The following TBX4 variants were observed in gnomAD, a reference collection of about 807,000 sequenced individuals.
TBX4 encodes T-box transcription factor TBX4.
A neutral mutation model predicts 54.6 loss-of-function variants in TBX4; 13 were observed. The ratio of observed to expected loss-of-function variants is 0.24; its 90% CI spans 0.15 to 0.38. The LOEUF is 0.38. Among genes scored for constraint, TBX4 ranks in the 10% least tolerant of loss-of-function variants. The pLI, the probability that TBX4 is intolerant of heterozygous loss-of-function variation, is 1.00. For synonymous variants in TBX4, 314 were observed against 306.7 expected (o/e 1.02, Z -0.25); for missense variants, 631 against 728.5 (o/e 0.87, Z 1.54).
Position 61,471,577 on chromosome 17 carries a change from G to A in TBX4, c.549+3920G>A, listed in dbSNP as rs1290620518. Among the ~76,000 whole-genome samples, 3 of 144,960 alleles carry A rather than the reference G, an allele frequency of 2.1e-5. No individual in the cohort carries two copies. In the South Asian group the frequency reaches 6.5e-4, roughly 31 times the overall value. ...TTTTTTTTGCACATAGGCAGAATGTGTAATCTGGAATCCCCTCTTTTACAC... is the reference window on the plus strand; with the variant it reads ...TTTTTTTTGCACATAGGCAGAATGTATAATCTGGAATCCCCTCTTTTACAC... On this transcript the variant is annotated intron_variant, in intron 5 of 8. Transcript: ENST00000644296.
rs969841802 is a variant in TBX4 at position 61,457,202 on chromosome 17, T to C, written c.187-335T>C. On this transcript the variant is annotated intron_variant, in intron 2 of 8. Coordinates refer to ENST00000644296, the MANE Select transcript of TBX4 (RefSeq NM_001321120.2). This position sits in a 1 kb window ranked among gnomAD's most constrained non-coding sequence, Gnocchi z 8.2. The stretch of plus-strand genomic sequence containing the variant: ...GCCTGGCCGAGGGTGCGTGCGCCTC[T>C]CCCTGTCTGTGTCTGCCCCGGGAGC... Among the ~76,000 whole-genome samples, 1 of 151,990 alleles carries C rather than the reference T, an allele frequency of 6.6e-6. No homozygotes were observed. Among genetic ancestry groups the C allele is most frequent in the Non-Finnish European group, 1.5e-5 (1 of 68,010 alleles).
At chr17:61,468,048 T>G (rs535902675) in intron 5 of TBX4, among the ~76,000 whole-genome samples, 2 of 152,368 alleles carry the variant, frequency 1.3e-5, no homozygotes, top group East Asian at 3.9e-4. Flanking sequence ...TCAGCTTCAG[T>G]TCCCCAAAAT....
At position 61,457,456 on chromosome 17, in the gene TBX4, C is replaced by A; in HGVS notation, c.187-81C>A. 7.3e-7 allele frequency: 1 copy of A among 1,369,222 alleles called. No homozygotes were observed. The highest frequency in any genetic ancestry group is 1.7e-5 in the Admixed American group (1 of 59,456). 84.8% of individuals were successfully genotyped at this position (1,369,222 alleles called of 1,614,324 possible). A position where few individuals can be genotyped will look rare whatever the true frequency, so the allele number is the denominator to read the frequency against. ...GCGGGCAGGGTTCCGCACAGCTCTT[C>A]GGGTCTGGTTCTTCTTTCCTCAGGC... On this transcript the variant is annotated intron_variant, in intron 2 of 8. Coordinates refer to ENST00000644296, the MANE Select transcript of TBX4 (RefSeq NM_001321120.2). The surrounding 1 kb of genome is among the most constrained non-coding windows in gnomAD (Gnocchi z 8.2).
At chr17:61,456,752 C>A in intron 2 of TBX4, 76 bp downstream of exon 2, 1 of 1,184,726 alleles carries the variant, frequency 8.4e-7, no homozygotes, top group Non-Finnish European at 1.1e-6. Context: ...GTCTTTCCGT[C>A]CGATTGTCGG....
At chr17:61,467,696 G>A in intron 5 of TBX4, 39 bp downstream of exon 5, 1 of 1,613,690 alleles carries the variant, frequency 6.2e-7, no homozygotes, top group South Asian at 1.1e-5. Flanking sequence ...AGGCAAGTCT[G>A]GGGCAGTTTT....
chr17:61,457,950 C>T lies in TBX4; in HGVS notation c.281+319C>T, dbSNP rs1278792683. Reference sequence around the variant, plus strand: ...CCCTGGGGGGCTGCTTTGCCCTCCTCTCTTTGAGGACCTGAGGAGGTTTCT... The same window carrying T: ...CCCTGGGGGGCTGCTTTGCCCTCCTTTCTTTGAGGACCTGAGGAGGTTTCT... On this transcript the variant is annotated intron_variant, in intron 3 of 8. Transcript: ENST00000644296. This position sits in a 1 kb window ranked among gnomAD's most constrained non-coding sequence, Gnocchi z 8.2. Among the ~76,000 whole-genome samples, 1 of 152,248 alleles carries T rather than the reference C, an allele frequency of 6.6e-6. No homozygotes were observed. Among genetic ancestry groups the T allele is most frequent in the African/African-American group, 2.4e-5 (1 of 41,468 alleles).
Position 61,476,920 on chromosome 17 carries a change from C to T in TBX4, c.550-1707C>T, listed in dbSNP as rs1362821918. On this transcript the variant is annotated intron_variant, in intron 5 of 8. Coordinates refer to ENST00000644296, the MANE Select transcript of TBX4 (RefSeq NM_001321120.2). This position sits in a 1 kb window ranked among gnomAD's most constrained non-coding sequence, Gnocchi z 6.5. Reference sequence around the variant, plus strand: ...TAGGCTATCCCTGTGCCCCAGGGCACGATAAGAGCAGAGTCTTCCCAGACT... The same window carrying T: ...TAGGCTATCCCTGTGCCCCAGGGCATGATAAGAGCAGAGTCTTCCCAGACT... Among the ~76,000 whole-genome samples the T allele has an allele frequency of 2.0e-5, 3 of 152,356 alleles. No homozygotes were observed. The highest frequency in any genetic ancestry group is 2.9e-5 in the Non-Finnish European group (2 of 68,040).
intron 1 of TBX4, among the ~76,000 whole-genome samples, chr17:61,455,844 G>A (rs185397670): frequency 1.3e-5 from 2 of 152,322 alleles, no homozygotes; most frequent in African/African-American, 4.8e-5. Context: ...GTGTGAGGAT[G>A]TCTGTGCCAG....
chr17:61,469,803 G>A (rs937331363), intron 5 of TBX4, among the ~76,000 whole-genome samples: 10 of 152,202 alleles, frequency 6.6e-5, no homozygotes, highest in African/African-American at 2.2e-4. Context: ...CTCTTGGCCC[G>A]TGCCCGTGGG....
At position 61,483,330 on chromosome 17, in the gene TBX4, G is replaced by A; in HGVS notation, c.1455G>A (p.Glu485=). ...AGCTCTCCCAGTCTCAGGTCCGAGA[G>A]CGGGGGCCCAGCGCCTCATTCCCAA... ...YNQLSQSQVR[E]RGPSASFPRE... Residue 485 remains glutamate (E), a synonymous_variant, in exon 9 of 9, where the codon GAG becomes GAA. Coordinates refer to ENST00000644296, the MANE Select transcript of TBX4 (RefSeq NM_001321120.2). This position sits in a 1 kb window ranked among gnomAD's most constrained non-coding sequence, Gnocchi z 6.6. 1 of 1,610,486 alleles carries A rather than the reference G, an allele frequency of 6.2e-7. No homozygotes were observed. The highest frequency in any genetic ancestry group is 8.5e-7 in the Non-Finnish European group (1 of 1,177,042).
At position 61,455,907 on chromosome 17, in the gene TBX4, G is replaced by A. The variant is rs947798202; in HGVS notation, c.-3-581G>A. ...GAGTGTGTTGGAGTGAAAGCCTTTG[G>A]TTCAGGAAGTCTCTACCTCAGTGCT... is the stretch of plus-strand genomic sequence containing the variant. On this transcript the variant is annotated intron_variant, in intron 1 of 8. Transcript: ENST00000644296. Among the ~76,000 whole-genome samples, 1 of 152,182 alleles carries A rather than the reference G, an allele frequency of 6.6e-6. No homozygotes were observed. Among genetic ancestry groups the A allele is most frequent in the Non-Finnish European group, 1.5e-5 (1 of 68,038 alleles).
chr17:61,460,581 CG>C lies in TBX4; in HGVS notation c.281+2951del, dbSNP rs1289576904. ...ATGGGGGCCACAGCCCTCCGCAGCC[CG>C]TCTCAGTCTCTTGGGTCTCTGTGTC... On this transcript the variant is annotated intron_variant, in intron 3 of 8. Coordinates refer to ENST00000644296, the MANE Select transcript of TBX4 (RefSeq NM_001321120.2). This position sits in a 1 kb window ranked among gnomAD's most constrained non-coding sequence, Gnocchi z 4.4. Among the ~76,000 whole-genome samples, 1 of 152,114 alleles carries C rather than the reference CG, an allele frequency of 6.6e-6. No homozygotes were observed. The highest frequency in any genetic ancestry group is 1.5e-5 in the Non-Finnish European group (1 of 68,026).
chr17:61,460,943 T>C lies in TBX4; in HGVS notation c.281+3312T>C, dbSNP rs1242051172. 2.6e-5 allele frequency among the ~76,000 whole-genome samples: 4 copies of C among 152,216 alleles called. No homozygotes were observed. Among genetic ancestry groups the C allele is most frequent in the Non-Finnish European group, 5.9e-5 (4 of 68,044 alleles). On this transcript the variant is annotated intron_variant, in intron 3 of 8. Coordinates refer to ENST00000644296, the MANE Select transcript of TBX4 (RefSeq NM_001321120.2). The surrounding 1 kb of genome is among the most constrained non-coding windows in gnomAD (Gnocchi z 4.4). ...CCTGTTGAACCTGTATTGTTTGTTA[T>C]TCTGAGGCAAGGATTTGGCCCGGCT...
rs2060493205 is a variant in TBX4, at chr17:61,461,389, C to T, written c.281+3758C>T. ...AGTGTAGGTGGCACCAGCAGCCCCA[C>T]TCCTAACCCCAGCCTTGGATGCTGG... On this transcript the variant is annotated intron_variant, in intron 3 of 8. Transcript: ENST00000644296. The surrounding 1 kb of genome is among the most constrained non-coding windows in gnomAD (Gnocchi z 5.1). Among the ~76,000 whole-genome samples, 1 of 152,214 alleles carries T rather than the reference C, an allele frequency of 6.6e-6. No homozygotes were observed. Among genetic ancestry groups the T allele is most frequent in the Admixed American group, 6.5e-5 (1 of 15,286 alleles).
chr17:61,454,943 AG>A (rs1471523192), intron 1 of TBX4, among the ~76,000 whole-genome samples: 1 of 152,202 alleles, frequency 6.6e-6, no homozygotes, highest in South Asian at 2.1e-4. Context: ...AGTTGGACCC[AG>A]CGCGCTGGCC....
rs1292811793 is a variant in TBX4, at chr17:61,459,502, A to G, written c.281+1871A>G. 2.0e-5 allele frequency among the ~76,000 whole-genome samples: 3 copies of G among 152,178 alleles called. No homozygotes were observed. Among genetic ancestry groups the G allele is most frequent in the Admixed American group, 2.0e-4 (3 of 15,276 alleles). On this transcript the variant is annotated intron_variant, in intron 3 of 8. Coordinates refer to ENST00000644296, the MANE Select transcript of TBX4 (RefSeq NM_001321120.2). This position sits in a 1 kb window ranked among gnomAD's most constrained non-coding sequence, Gnocchi z 4.8. Reference sequence around the variant, plus strand: ...TGTCTCTTGAAAATAACTGGCCAGCATGTTCTCTGGGCATGTCTGGCCTTT... The same window carrying G: ...TGTCTCTTGAAAATAACTGGCCAGCGTGTTCTCTGGGCATGTCTGGCCTTT...
rs545166646 is a variant in TBX4, at chr17:61,476,982, C to G, written c.550-1645C>G. On this transcript the variant is annotated intron_variant, in intron 5 of 8. Transcript: ENST00000644296. The surrounding 1 kb of genome is among the most constrained non-coding windows in gnomAD (Gnocchi z 6.5). ...CAAGGTTTGCCATAAAAGAGCCTGA[C>G]TCTGGCCTTTCTCTTGGCACTCTGG... 6.6e-6 allele frequency among the ~76,000 whole-genome samples: 1 copy of G among 152,372 alleles called. No homozygotes were observed. The highest frequency in any genetic ancestry group is 2.1e-4 in the South Asian group (1 of 4,830).
chr17:61,459,171 G>A lies in TBX4; in HGVS notation c.281+1540G>A, dbSNP rs2060476409. Among the ~76,000 whole-genome samples, 1 of 152,242 alleles carries A rather than the reference G, an allele frequency of 6.6e-6. No individual in the cohort carries two copies. On this transcript the variant is annotated intron_variant, in intron 3 of 8. Transcript: ENST00000644296. This position sits in a 1 kb window ranked among gnomAD's most constrained non-coding sequence, Gnocchi z 4.8. ...GGGTGCGACATGGAGCAGGCATTGA[G>A]GACAGTGGAAGCCAGGTGTCACAGG...
rs1294565676 is a variant in TBX4, at chr17:61,460,830, T to TATCA, written c.281+3200_281+3203dup. On this transcript the variant is annotated intron_variant, in intron 3 of 8. Transcript: ENST00000644296. The surrounding 1 kb of genome is among the most constrained non-coding windows in gnomAD (Gnocchi z 4.4). ...GTTTTGCCACCAGATAAATCTCCAC[T>TATCA]ATCAGCCTTCATAGCCTGTTGAGTT... 2.0e-5 allele frequency among the ~76,000 whole-genome samples: 3 copies of TATCA among 152,234 alleles called. No homozygotes were observed. The highest frequency in any genetic ancestry group is 7.2e-5 in the African/African-American group (3 of 41,450).
Sources: gnomAD v4.1 joint callset for allele counts (sites outside exome capture counted in the v4.1 genomes callset) on GRCh38, gnomAD v4.1.1 for gene constraint, Gnocchi (gnomAD v3.1) non-coding constraint, MANE v1.5 for transcripts, NCBI Gene and HGNC (gene_info 2026-07-23, HGNC 2026-07-21) for gene names.